Variants in TSNARE1 observed in about 807,000 individuals in gnomAD.
TSNARE1 encodes t-SNARE domain containing 1.
TSNARE1 carries 49 observed loss-of-function variants against 62.0 expected under a neutral mutation model. The ratio of observed to expected loss-of-function variants is 0.79; its 90% CI spans 0.63 to 1.00. The LOEUF (loss-of-function observed/expected upper bound fraction) is 1.00, where lower values mean the gene tolerates loss of function less well. TSNARE1 is among the 50% of genes least tolerant of loss of function. TSNARE1 has a pLI of 0.00. For missense variants in TSNARE1, 755 were observed against 700.1 expected (o/e 1.08, Z -0.88); for synonymous variants, 328 against 294.4 (o/e 1.11, Z -1.17).
chr8:142,391,766 G>A (rs1292253899), intron 1 of TSNARE1, among the ~76,000 whole-genome samples: 1 of 152,248 alleles, frequency 6.6e-6, no homozygotes, highest in East Asian at 1.9e-4. Flanking sequence ...TGTGCACAGT[G>A]GCCAGACCCA....
chr8:142,383,815 C>A (rs1351069372), intron 1 of TSNARE1, among the ~76,000 whole-genome samples: 1 of 152,138 alleles, frequency 6.6e-6, no homozygotes, highest in Non-Finnish European at 1.5e-5. Flanking sequence ...CACCTTAAAA[C>A]AACAAGGAGA....
At chr8:142,369,560 T>C (rs948745853) in intron 1 of TSNARE1, among the ~76,000 whole-genome samples, 1 of 152,178 alleles carries the variant, frequency 6.6e-6, no homozygotes, top group Admixed American at 6.5e-5. Context: ...AAAATAACTA[T>C]GGCTTCTATG....
chr8:142,260,236 G>A (rs1268939138), intron 12 of TSNARE1, among the ~76,000 whole-genome samples: 1 of 152,168 alleles, frequency 6.6e-6, no homozygotes, highest in Non-Finnish European at 1.5e-5. Context: ...AGGGAAGAAA[G>A]TAGAAAAAGT....
At chr8:142,324,626 G>C (rs1378568507) in intron 6 of TSNARE1, among the ~76,000 whole-genome samples, 2 of 152,210 alleles carry the variant, frequency 1.3e-5, no homozygotes, top group Non-Finnish European at 2.9e-5. Flanking sequence ...TTACTCCCAT[G>C]ACCACCTGTG....
At chr8:142,234,636 C>T (rs1374336892) in intron 12 of TSNARE1, among the ~76,000 whole-genome samples, 1 of 152,214 alleles carries the variant, frequency 6.6e-6, no homozygotes, top group Non-Finnish European at 1.5e-5. Flanking sequence ...CAGGGCAGTC[C>T]CTCCAGCCTC....
At chr8:142,273,415 G>A in intron 12 of TSNARE1, 1 of 985,388 alleles carries the variant, frequency 1.0e-6, no homozygotes, top group South Asian at 4.7e-5. Context: ...CCTCCTGGAG[G>A]CCCCTGGGCC....
At chr8:142,366,933 A>G (rs1303475499) in intron 1 of TSNARE1, among the ~76,000 whole-genome samples, 1 of 152,252 alleles carries the variant, frequency 6.6e-6, no homozygotes, top group Non-Finnish European at 1.5e-5. Flanking sequence ...GTATCAGGAT[A>G]TAAAATTAAC....
chr8:142,222,396 TC>T, intron 13 of TSNARE1, among the ~76,000 whole-genome samples: 4 of 147,146 alleles, frequency 2.7e-5, no homozygotes, highest in Non-Finnish European at 1.5e-5. Context: ...AGTCATCCAC[TC>T]ACTCATTCAC....
intron 4 of TSNARE1, among the ~76,000 whole-genome samples, chr8:142,342,069 C>T (rs1192635067): frequency 1.3e-5 from 2 of 152,232 alleles, no homozygotes; most frequent in Admixed American, 6.5e-5. Context: ...GCCCTGTCCT[C>T]GGACACAGCA....
intron 11 of TSNARE1, chr8:142,276,460 C>T (rs1820513908): frequency 1.0e-6 from 1 of 985,480 alleles, no homozygotes. Context: ...TGCAAAGGAG[C>T]CACCTTACAC....
chr8:142,258,129 G>T (rs746328699), intron 12 of TSNARE1, among the ~76,000 whole-genome samples: 1 of 152,218 alleles, frequency 6.6e-6, no homozygotes, highest in Non-Finnish European at 1.5e-5. Context: ...GAAGGCACAC[G>T]CGAAGGCACA....
intron 1 of TSNARE1, among the ~76,000 whole-genome samples, chr8:142,385,521 G>C (rs1275538021): frequency 1.3e-5 from 2 of 152,188 alleles, no homozygotes; most frequent in African/African-American, 4.8e-5. Context: ...TGACTATGGA[G>C]TAATGACTCA....
At chr8:142,388,548 ATCTT>A (rs1837267732) in intron 1 of TSNARE1, among the ~76,000 whole-genome samples, 1 of 143,818 alleles carries the variant, frequency 7.0e-6, no homozygotes, top group Non-Finnish European at 1.5e-5. Context: ...AAAAAACAAA[ATCTT>A]TTTTTTTTTT....
intron 1 of TSNARE1, among the ~76,000 whole-genome samples, chr8:142,359,071 C>T (rs1057510086): frequency 6.6e-6 from 1 of 152,084 alleles, no homozygotes; most frequent in African/African-American, 2.4e-5. Flanking sequence ...CAGGCTGCCT[C>T]CCACCTCTGT....
chr8:142,284,813 C>T (rs979630678), intron 10 of TSNARE1, among the ~76,000 whole-genome samples: 1 of 152,192 alleles, frequency 6.6e-6, no homozygotes, highest in Non-Finnish European at 1.5e-5. Flanking sequence ...GTACAGAGGT[C>T]CCAGGGTCTG....
At chr8:142,389,604 A>C (rs1315073795) in intron 1 of TSNARE1, among the ~76,000 whole-genome samples, 1 of 152,214 alleles carries the variant, frequency 6.6e-6, no homozygotes, top group Non-Finnish European at 1.5e-5. Flanking sequence ...CAGTCTGAGC[A>C]TATCCACACC....
At position 142,276,774 on chromosome 8, in the gene TSNARE1, T is replaced by C. The variant is rs376983608; in HGVS notation, c.1364-1911A>G. On this transcript the variant is annotated intron_variant, in intron 11 of 13. Transcript: ENST00000524325. ...CCCACCCTCAGAATGGGGACTGATG[T>C]CCTGCTGCTCCAGGGCTGCATGCAC... is the stretch of plus-strand genomic sequence containing the variant. 1.5e-5 allele frequency: 15 copies of C among 985,358 alleles called. No individual in the cohort carries two copies. In the East Asian group the frequency reaches 1.6e-3, roughly 105 times the overall value. The allele number at this position is 985,358 out of a possible 1,614,324, so 61.0% of individuals were successfully genotyped here. A position where few individuals can be genotyped will look rare whatever the true frequency, so the allele number is the denominator to read the frequency against.
At chr8:142,386,671 CA>C (rs1564010280) in intron 1 of TSNARE1, among the ~76,000 whole-genome samples, 1 of 152,160 alleles carries the variant, frequency 6.6e-6, no homozygotes. Context: ...CAAGCAGATA[CA>C]AACTCAAGAA....
At chr8:142,297,977 G>A (rs956430313) in intron 10 of TSNARE1, among the ~76,000 whole-genome samples, 4 of 152,166 alleles carry the variant, frequency 2.6e-5, no homozygotes, top group African/African-American at 4.8e-5. Flanking sequence ...TGCAGACAAA[G>A]AAAGTGAGGC....
Sources: gnomAD v4.1 joint callset for allele counts (sites outside exome capture counted in the v4.1 genomes callset) on GRCh38, gnomAD v4.1.1 for gene constraint, MANE v1.5 for transcripts, NCBI Gene and HGNC (gene_info 2026-07-23, HGNC 2026-07-21) for gene names.